The following CCPG1 variants were observed in gnomAD, a reference collection of about 807,000 sequenced individuals.
The protein encoded by CCPG1 is cell cycle progression 1, also known as cell cycle progression protein 1.
In CCPG1, 46 loss-of-function variants were observed where a neutral mutation model predicts 81.3. The ratio of observed to expected loss-of-function variants is 0.57; its 90% CI spans 0.45 to 0.72. CCPG1 has a LOEUF of 0.72. Among genes scored for constraint, CCPG1 ranks in the 30% least tolerant of loss-of-function variants. The pLI is 0.00. For synonymous variants in CCPG1, 330 were observed against 305.2 expected, an observed-to-expected ratio of 1.08 and a Z score of -0.85; for missense variants, 902 against 937.6, an observed-to-expected ratio of 0.96 and a Z score of 0.50.
At chr15:55,401,619 C>G (rs1475086271) in intron 1 of CCPG1, among the ~76,000 whole-genome samples, 1 of 150,616 alleles carries the variant, frequency 6.6e-6, no homozygotes, top group Non-Finnish European at 1.5e-5. Context: ...TGAGCCGAGA[C>G]CACGCCATTT....
At chr15:55,374,765 G>C (rs1472726942) in intron 5 of CCPG1, among the ~76,000 whole-genome samples, 1 of 152,112 alleles carries the variant, frequency 6.6e-6, no homozygotes, top group African/African-American at 2.4e-5. Flanking sequence ...AGAGTAGCTG[G>C]GATTACAGGC....
At chr15:55,373,179 T>C (rs1173277312) in intron 5 of CCPG1, 4 of 401,344 alleles carry the variant, frequency 1.0e-5, no homozygotes, top group African/African-American at 8.6e-5. Context: ...TTTTTCCAAA[T>C]GCATAATTTC....
intron 1 of CCPG1, among the ~76,000 whole-genome samples, chr15:55,404,108 G>A (rs2057173669): frequency 6.6e-6 from 1 of 152,048 alleles, no homozygotes; most frequent in South Asian, 2.1e-4. Context: ...AGCCAACTCA[G>A]TACACAGAAT....
chr15:55,378,138 A>G (rs2056604489), intron 4 of CCPG1, among the ~76,000 whole-genome samples, 162 bp downstream of exon 4: 1 of 152,230 alleles, frequency 6.6e-6, no homozygotes, highest in Non-Finnish European at 1.5e-5. Flanking sequence ...CACAATACCA[A>G]TAAAATACTT....
chr15:55,382,757 C>T (rs959813422), intron 3 of CCPG1, among the ~76,000 whole-genome samples: 1 of 152,102 alleles, frequency 6.6e-6, no homozygotes, highest in Non-Finnish European at 1.5e-5. Context: ...GATCCGCCCA[C>T]CTCAGCCTCC....
intron 1 of CCPG1, among the ~76,000 whole-genome samples, chr15:55,399,017 C>T (rs2057075916): frequency 6.6e-6 from 1 of 152,138 alleles, no homozygotes; most frequent in South Asian, 2.1e-4. Context: ...GTGCCATGAA[C>T]TCTTCTAAGT....
chr15:55,366,489 T>C (rs1159154877), intron 6 of CCPG1, among the ~76,000 whole-genome samples: 1 of 151,826 alleles, frequency 6.6e-6, no homozygotes, highest in Non-Finnish European at 1.5e-5. Flanking sequence ...ATAAAAGAAT[T>C]GGACAGGCAC....
intron 5 of CCPG1, chr15:55,372,916 T>G: frequency 1.9e-6 from 1 of 534,400 alleles, no homozygotes; most frequent in Non-Finnish European, 3.8e-6. Context: ...GCACTGTATT[T>G]TAACATAGGT....
intron 1 of CCPG1, among the ~76,000 whole-genome samples, chr15:55,396,312 G>C (rs546343598): frequency 6.6e-6 from 1 of 152,056 alleles, no homozygotes; most frequent in African/African-American, 2.4e-5. Flanking sequence ...AGTTACAAAG[G>C]CTAAGAAATC....
At chr15:55,401,644 C>T (rs767807382) in intron 1 of CCPG1, among the ~76,000 whole-genome samples, 24 of 139,310 alleles carry the variant, frequency 1.7e-4, no homozygotes, top group South Asian at 1.3e-3. Context: ...CCAGCCTGGG[C>T]GTAAGAATGA....
Position 55,355,999 on chromosome 15 carries a change from T to G in CCPG1, c.*221A>C. On this transcript the variant is annotated 3_prime_UTR_variant, in exon 9 of 9. Coordinates refer to ENST00000442196, the MANE Select transcript of CCPG1 (RefSeq NM_001204450.2). ...CTTAATAAAACTACAGTTGAACATT[T>G]CCAGTGTCAAAAAAAATTCAACGAA... is the stretch of plus-strand genomic sequence containing the variant. 2.0e-6 allele frequency: 1 copy of G among 509,630 alleles called. No homozygotes were observed. Among genetic ancestry groups the G allele is most frequent in the South Asian group, 2.9e-5 (1 of 34,694 alleles). The allele number at this position is 509,630 out of a possible 1,614,324, so 31.6% of individuals were successfully genotyped here.
At chr15:55,389,520 T>C in intron 1 of CCPG1, 87 bp from the exon 2 acceptor site, 1 of 884,110 alleles carries the variant, frequency 1.1e-6, no homozygotes, top group South Asian at 1.4e-5. Flanking sequence ...GTTTGAAAAG[T>C]GGTTTACTGT....
intron 6 of CCPG1, among the ~76,000 whole-genome samples, chr15:55,370,777 T>C (rs1223050590): frequency 6.7e-6 from 1 of 150,208 alleles, no homozygotes; most frequent in Non-Finnish European, 1.5e-5. Flanking sequence ...CTCAGGAGGC[T>C]GAGGCAGGAG....
chr15:55,365,868 G>T (rs1020652109), intron 6 of CCPG1, among the ~76,000 whole-genome samples: 5 of 151,664 alleles, frequency 3.3e-5, no homozygotes, highest in Admixed American at 2.6e-4. Context: ...AAGGCAGGTA[G>T]ATCATTTGAG....
intron 8 of CCPG1, chr15:55,357,686 C>T (rs1281510714): frequency 6.6e-6 from 1 of 152,496 alleles, no homozygotes; most frequent in Admixed American, 6.6e-5. Context: ...CCCATCTCTA[C>T]TAAAAATATG....
chr15:55,359,724 C>T lies in CCPG1; in HGVS notation c.2049G>A (p.Lys683=), dbSNP rs1398911305. 6.8e-6 allele frequency: 11 copies of T among 1,613,466 alleles called. No homozygotes were observed. In the African/African-American group the frequency reaches 1.2e-4, roughly 18 times the overall value. ...HWNELDQFIN[K]FFLNGVFIHD... The stretch of plus-strand genomic sequence containing the variant: ...GTATAAAGACACCGTTTAGGAAAAA[C>T]TTATTGATGAACTGATCAAGTTCGT... The change falls in exon 8 of 9, where the codon AAG becomes AAA. Residue 683 remains lysine, a synonymous_variant. Transcript: ENST00000442196.
rs78286079 is a variant in CCPG1, at chr15:55,372,677, T to C, written c.455-633A>G. On this transcript the variant is annotated intron_variant, in intron 5 of 8. Coordinates refer to ENST00000442196, the MANE Select transcript of CCPG1 (RefSeq NM_001204450.2). ...CTGTCTCAAAAGAAACAAAATTTCA[T>C]TGCTATTACAGGTATAAACAAGTAT... The C allele has an allele frequency of 7.6e-5, 17 of 224,854 alleles. 1 individual carries two copies. The highest frequency in any genetic ancestry group is 6.1e-4 in the Admixed American group (11 of 18,140). 13.9% of individuals were successfully genotyped at this position (224,854 alleles called of 1,614,324 possible). A position where few individuals can be genotyped will look rare whatever the true frequency, so the allele number is the denominator to read the frequency against.
At chr15:55,381,422 C>T (rs1046066905) in intron 3 of CCPG1, among the ~76,000 whole-genome samples, 7 of 152,068 alleles carry the variant, frequency 4.6e-5, no homozygotes, top group African/African-American at 9.7e-5. Context: ...GGCAACAGTG[C>T]GAGACTCTGT....
intron 8 of CCPG1, chr15:55,357,224 G>T: frequency 1.1e-6 from 1 of 872,982 alleles, no homozygotes; most frequent in Non-Finnish European, 1.3e-6. Flanking sequence ...CTATCTCAGT[G>T]GTACTACTAT....
Sources: gnomAD v4.1 joint callset for allele counts (sites outside exome capture counted in the v4.1 genomes callset) on GRCh38, gnomAD v4.1.1 for gene constraint, MANE v1.5 for transcripts, NCBI Gene and HGNC (gene_info 2026-07-23, HGNC 2026-07-21) for gene names.